The following MMP16 variants were observed in gnomAD, a reference collection of about 807,000 sequenced individuals.
MMP16 encodes the protein matrix metalloproteinase-16.
MMP16 carries 12 observed loss-of-function variants against 67.8 expected under a neutral mutation model. The ratio of observed to expected loss-of-function variants is 0.18; its 90% CI spans 0.11 to 0.29. The LOEUF (loss-of-function observed/expected upper bound fraction) is 0.29. Among genes scored for constraint, MMP16 ranks in the 10% least tolerant of loss-of-function variants. The pLI is 1.00. For synonymous variants in MMP16, 249 were observed against 255.9 expected, an observed-to-expected ratio of 0.97 and a Z score of 0.26; for missense variants, 475 against 765.7, an observed-to-expected ratio of 0.62 and a Z score of 4.48.
chr8:88,139,884 T>C (rs1356322141), intron 4 of MMP16, among the ~76,000 whole-genome samples: 1 of 152,176 alleles, frequency 6.6e-6, no homozygotes, highest in Non-Finnish European at 1.5e-5. Flanking sequence ...TCCTATTTTC[T>C]TAGGTAATTT....
chr8:88,326,869 G>T, intron 1 of MMP16: 1 of 537,478 alleles, frequency 1.9e-6, no homozygotes, highest in East Asian at 3.4e-5. Flanking sequence ...ATCGTGCTTT[G>T]TGCTGCCGGG....
At chr8:88,135,789 A>G (rs769366513) in intron 4 of MMP16, among the ~76,000 whole-genome samples, 1 of 151,922 alleles carries the variant, frequency 6.6e-6, no homozygotes, top group Non-Finnish European at 1.5e-5. Context: ...GGCAGACAAT[A>G]TAAAAAACTA....
chr8:88,067,817 G>A (rs569268160), intron 7 of MMP16, among the ~76,000 whole-genome samples: 1 of 152,158 alleles, frequency 6.6e-6, no homozygotes, highest in East Asian at 1.9e-4. Context: ...TCATTTACCT[G>A]TTGAGAGTAT....
chr8:88,311,879 G>A lies in MMP16; in HGVS notation c.132+15196C>T, dbSNP rs28907887. Among the ~76,000 whole-genome samples the A allele has an allele frequency of 6.3e-3, 953 of 152,156 alleles. 6 individuals carry two copies. Among genetic ancestry groups the A allele is most frequent in the African/African-American group, 0.022 (905 of 41,496 alleles). ...ATAACATGTCAAGACCAGAGATAAC[G>A]AAGATTTAAAATAGGGTTGCAACCC... On this transcript the variant is annotated intron_variant, in intron 1 of 9. Coordinates refer to ENST00000286614, the MANE Select transcript of MMP16 (RefSeq NM_005941.5).
Position 88,108,002 on chromosome 8 carries a change from T to C in MMP16, c.1083+8505A>G, listed in dbSNP as rs1397919244. 2.0e-5 allele frequency among the ~76,000 whole-genome samples: 3 copies of C among 151,140 alleles called. No homozygotes were observed. In the Admixed American group the frequency reaches 2.0e-4, roughly 10 times the overall value. ...CATCTTAGGTACTTAATAGGTGTTA[T>C]CTATATTATTATTCCAATATATGTG... On this transcript the variant is annotated intron_variant, in intron 6 of 9. Transcript: ENST00000286614.
chr8:88,041,809 C>T lies in MMP16; in HGVS notation c.1490-14G>A. The T allele has an allele frequency of 1.3e-6, 2 of 1,558,742 alleles. No individual in the cohort carries two copies. The highest frequency in any genetic ancestry group is 1.8e-6 in the Non-Finnish European group (2 of 1,139,812). ...AATACGTAAAGCCTAGGGGGAAAAA[C>T]ATACACACACACAGGTACCACTTAT... On this transcript the variant is annotated splice_polypyrimidine_tract_variant and intron_variant, in intron 9 of 9. Transcript: ENST00000286614. This position sits in a 1 kb window ranked among gnomAD's most constrained non-coding sequence, Gnocchi z 6.0.
rs540608155 is a variant in MMP16, at chr8:88,192,823, T to A, written c.281+4335A>T. Among the ~76,000 whole-genome samples, 14 of 152,268 alleles carry A rather than the reference T, an allele frequency of 9.2e-5. No homozygotes were observed. In the East Asian group the frequency reaches 2.7e-3, roughly 29 times the overall value. On this transcript the variant is annotated intron_variant, in intron 2 of 9. Transcript: ENST00000286614. ...ATCTACTTATTCAACCTTAAATAAA[T>A]TTTAATTAAGTTAAATTTCTGTACA...
chr8:88,078,771 T>G (rs982229232), intron 6 of MMP16, among the ~76,000 whole-genome samples: 1 of 152,216 alleles, frequency 6.6e-6, no homozygotes, highest in Non-Finnish European at 1.5e-5. Context: ...GATTCATTTA[T>G]TCATACCAAC....
At chr8:88,096,515 A>AT (rs67538227) in intron 6 of MMP16, among the ~76,000 whole-genome samples, 65,436 of 150,802 alleles carry the variant, frequency 0.43, 14,518 homozygotes, top group Middle Eastern at 0.53. Flanking sequence ...GATCACTGCC[A>AT]TTTTTTTTTG....
chr8:88,243,493 C>T (rs1004831836), intron 1 of MMP16, among the ~76,000 whole-genome samples: 1 of 152,108 alleles, frequency 6.6e-6, no homozygotes, highest in Non-Finnish European at 1.5e-5. Flanking sequence ...ATACTTAATT[C>T]CTGTCGTATA....
intron 1 of MMP16, among the ~76,000 whole-genome samples, chr8:88,223,656 C>T (rs576848802): frequency 1.6e-5 from 2 of 128,550 alleles, no homozygotes; most frequent in South Asian, 4.9e-4. Flanking sequence ...AGCACTTGGA[C>T]ACAGGGTGCA....
At chr8:88,044,623 T>A (rs1009592707) in intron 9 of MMP16, among the ~76,000 whole-genome samples, 2 of 152,186 alleles carry the variant, frequency 1.3e-5, no homozygotes, top group Non-Finnish European at 2.9e-5. Flanking sequence ...GAAAATAAAT[T>A]AACGAGGCTG....
chr8:88,206,154 T>A (rs1809422846), intron 1 of MMP16, among the ~76,000 whole-genome samples: 1 of 152,044 alleles, frequency 6.6e-6, no homozygotes, highest in Admixed American at 6.6e-5. Context: ...AAATATATAA[T>A]CTAAATTTAT....
chr8:88,098,819 T>C (rs1471807078), intron 6 of MMP16, among the ~76,000 whole-genome samples: 4 of 151,856 alleles, frequency 2.6e-5, no homozygotes, highest in Non-Finnish European at 5.9e-5. Context: ...AAAAGAAGTA[T>C]AAAAGCCTGT....
intron 1 of MMP16, among the ~76,000 whole-genome samples, chr8:88,259,687 A>G (rs1014444006): frequency 6.6e-6 from 1 of 152,174 alleles, no homozygotes; most frequent in Non-Finnish European, 1.5e-5. Flanking sequence ...GACTATAACT[A>G]TGTTAACAAC....
chr8:88,111,466 G>C (rs756765816), intron 6 of MMP16, among the ~76,000 whole-genome samples: 164 of 151,654 alleles, frequency 1.1e-3, no homozygotes, highest in Non-Finnish European at 1.6e-3. Context: ...TGTTTGAAAT[G>C]TTCCAGAAAC....
intron 4 of MMP16, among the ~76,000 whole-genome samples, chr8:88,120,401 A>T (rs1199065843): frequency 6.6e-6 from 1 of 151,978 alleles, no homozygotes; most frequent in Non-Finnish European, 1.5e-5. Context: ...TGTAATTTCA[A>T]ATCAGAGACA....
chr8:88,197,353 CAAT>C (rs2129781881), intron 1 of MMP16, 47 bp from the exon 2 acceptor site: 4 of 1,466,386 alleles, frequency 2.7e-6, no homozygotes, highest in Non-Finnish European at 3.6e-6. Context: ...TACAATTTAA[CAAT>C]AATTTTCTGG....
At chr8:88,185,491 T>A (rs895045701) in intron 3 of MMP16, among the ~76,000 whole-genome samples, 1 of 152,124 alleles carries the variant, frequency 6.6e-6, no homozygotes. Flanking sequence ...TCAAGTGACA[T>A]GTTCCAGTTA....
Sources: gnomAD v4.1 joint callset for allele counts (sites outside exome capture counted in the v4.1 genomes callset) on GRCh38, gnomAD v4.1.1 for gene constraint, Gnocchi (gnomAD v3.1) non-coding constraint, MANE v1.5 for transcripts, NCBI Gene and HGNC (gene_info 2026-07-23, HGNC 2026-07-21) for gene names.